CDH8: variants seen among roughly 807,000 people sequenced by gnomAD.
CDH8 encodes cadherin-8.
CDH8 carries 17 observed loss-of-function variants against 68.1 expected under a neutral mutation model. The observed-to-expected ratio is 0.25, with a 90% CI of 0.17 to 0.37. The LOEUF is 0.37. Ranked by LOEUF, CDH8 falls within the 10% of genes least tolerant of loss-of-function variation. CDH8 has a pLI of 1.00. For synonymous variants in CDH8, 372 were observed against 365.1 expected (o/e 1.02, Z -0.21); for missense variants, 763 against 999.3 (o/e 0.76, Z 3.19).
chr16:61,771,478 A>C (rs538326564), intron 8 of CDH8, among the ~76,000 whole-genome samples: 2 of 151,328 alleles, frequency 1.3e-5, no homozygotes, highest in East Asian at 2.0e-4. Context: ...CAGCCAAAAA[A>C]AAAAAAAAAA....
intron 8 of CDH8, among the ~76,000 whole-genome samples, chr16:61,763,030 C>A (rs1239932445): frequency 6.6e-6 from 1 of 152,164 alleles, no homozygotes; most frequent in African/African-American, 2.4e-5. Context: ...CAACTTCCTG[C>A]TGGGGCAGGG....
chr16:61,878,504 T>C (rs1963505383), intron 3 of CDH8, among the ~76,000 whole-genome samples: 1 of 152,078 alleles, frequency 6.6e-6, no homozygotes, highest in African/African-American at 2.4e-5. Context: ...CTCAAGACAG[T>C]TAGTAAAAGC....
chr16:61,737,155 G>A (rs1288506794), intron 8 of CDH8, among the ~76,000 whole-genome samples: 1 of 152,142 alleles, frequency 6.6e-6, no homozygotes, highest in African/African-American at 2.4e-5. Context: ...CCAAGTCTAA[G>A]TTACTTGGGA....
intron 8 of CDH8, among the ~76,000 whole-genome samples, chr16:61,774,306 T>A (rs112291243): frequency 1.1e-4 from 17 of 152,054 alleles, no homozygotes; most frequent in African/African-American, 3.9e-4. Flanking sequence ...GAGGCTCCTC[T>A]CTGCCAGCAC....
chr16:62,001,077 C>A (rs949248372), intron 2 of CDH8, among the ~76,000 whole-genome samples: 1 of 152,052 alleles, frequency 6.6e-6, no homozygotes, highest in Non-Finnish European at 1.5e-5. Flanking sequence ...ATATTTGGGA[C>A]TCATTCACGT....
In CDH8 at chr16:61,668,065, C is replaced by T. The variant is rs575683542; in HGVS notation, c.1655-12344G>A. 4.3e-4 allele frequency among the ~76,000 whole-genome samples: 66 copies of T among 151,900 alleles called. 1 individual carries two copies. Among genetic ancestry groups the T allele is most frequent in the East Asian group, 3.9e-3 (20 of 5,144 alleles). On this transcript the variant is annotated intron_variant, in intron 10 of 11. Transcript: ENST00000577390. ...CACCTTTATTAGAGACAACAAAAAG[C>T]GAAGTGGACAAGGCAACTGGTGGAC...
At chr16:61,937,926 C>T (rs1964652568) in intron 2 of CDH8, 1 of 151,910 alleles carries the variant, frequency 6.6e-6, no homozygotes, top group Non-Finnish European at 1.5e-5. Flanking sequence ...TGGAGAAGTG[C>T]CAGGAGGATT....
At chr16:61,866,960 A>C (rs375799170) in intron 3 of CDH8, among the ~76,000 whole-genome samples, 1 of 152,160 alleles carries the variant, frequency 6.6e-6, no homozygotes, top group Non-Finnish European at 1.5e-5. Flanking sequence ...CTCTAGAATG[A>C]GCTTACTTTT....
chr16:61,731,917 A>T (rs1165681063), intron 8 of CDH8, among the ~76,000 whole-genome samples: 1 of 151,764 alleles, frequency 6.6e-6, no homozygotes, highest in African/African-American at 2.4e-5. Context: ...TATCAATAAA[A>T]AGACAGAAAT....
At chr16:61,811,611 T>C (rs1178513126) in intron 7 of CDH8, among the ~76,000 whole-genome samples, 3 of 152,176 alleles carry the variant, frequency 2.0e-5, no homozygotes, top group Non-Finnish European at 4.4e-5. Flanking sequence ...ATGTTCATAG[T>C]ATTTACAATA....
intron 10 of CDH8, among the ~76,000 whole-genome samples, chr16:61,681,241 T>C (rs1334347552): frequency 6.6e-6 from 1 of 151,868 alleles, no homozygotes; most frequent in Non-Finnish European, 1.5e-5. Context: ...ATAGAAGCAT[T>C]ATTCACAGTC....
chr16:61,721,222 GT>G (rs1959214850), intron 9 of CDH8, among the ~76,000 whole-genome samples: 1 of 150,748 alleles, frequency 6.6e-6, no homozygotes. Context: ...TTCTTCAAAT[GT>G]TGTTTTATGC....
At chr16:61,684,679 G>A (rs74023215) in intron 10 of CDH8, among the ~76,000 whole-genome samples, 2 of 151,960 alleles carry the variant, frequency 1.3e-5, no homozygotes, top group African/African-American at 2.4e-5. Flanking sequence ...AGTGCTCTGC[G>A]CTGTACTGCA....
At chr16:61,888,831 A>G (rs1312454296) in intron 3 of CDH8, among the ~76,000 whole-genome samples, 1 of 152,112 alleles carries the variant, frequency 6.6e-6, no homozygotes, top group Admixed American at 6.6e-5. Context: ...ACGTCCTCCC[A>G]CTACTGCTCC....
At chr16:61,862,606 G>A (rs1390286928) in intron 3 of CDH8, among the ~76,000 whole-genome samples, 1 of 152,184 alleles carries the variant, frequency 6.6e-6, no homozygotes, top group Non-Finnish European at 1.5e-5. Flanking sequence ...GACTGTTGAT[G>A]CACCTGTACA....
chr16:61,686,471 A>G (rs1964109811), intron 10 of CDH8, among the ~76,000 whole-genome samples: 1 of 151,942 alleles, frequency 6.6e-6, no homozygotes, highest in African/African-American at 2.4e-5. Flanking sequence ...GTTTGTGTTC[A>G]AGTGGTACTT....
At chr16:61,714,326 T>C in intron 9 of CDH8, 1 of 217,190 alleles carries the variant, frequency 4.6e-6, no homozygotes, top group Non-Finnish European at 9.1e-6. Flanking sequence ...TGTAGTGTGG[T>C]TCTTGGGAGG....
At position 61,825,084 on chromosome 16, in the gene CDH8, C is replaced by A; in HGVS notation, c.763G>T (p.Gly255Cys). The change falls in exon 5 of 12, where the codon GGC becomes TGC. Residue 255 changes from glycine to cysteine, a missense_variant. By Grantham distance (159) the Gly-to-Cys change is radical. This residue lies in a region of CDH8 where 366 missense variants were observed against 563.1 expected (regional missense o/e 0.65). Transcript: ENST00000577390. ...QAKDMGGHSG[G>C]LSGTTTLTVT... is the part of the protein sequence containing the mutation. ...GTAAGTGTCGTGGTCCCAGACAGGCCACCAGAGTGTCCACCCATATCTTTG... is the reference window on the plus strand; with the variant it reads ...GTAAGTGTCGTGGTCCCAGACAGGCAACCAGAGTGTCCACCCATATCTTTG... The A allele has an allele frequency of 6.2e-7, 1 of 1,611,926 alleles. No homozygotes were observed. The highest frequency in any genetic ancestry group is 8.5e-7 in the Non-Finnish European group (1 of 1,178,624).
intron 2 of CDH8, among the ~76,000 whole-genome samples, chr16:61,933,551 T>C (rs977302370): frequency 1.3e-5 from 2 of 152,178 alleles, no homozygotes; most frequent in African/African-American, 2.4e-5. Context: ...TCTTTTTAAA[T>C]ATGTAGTGAA....
Sources: allele counts gnomAD v4.1 joint callset (sites outside exome capture counted in the v4.1 genomes callset), GRCh38; gene constraint gnomAD v4.1.1; regional missense constraint gnomAD v4.1.1; transcripts MANE v1.5; gene names NCBI Gene and HGNC (gene_info 2026-07-23, HGNC 2026-07-21).